The following SLC13A3 variants were observed in gnomAD, a reference collection of about 807,000 sequenced individuals.
SLC13A3 encodes the protein solute carrier family 13 member 3.
A neutral mutation model predicts 59.0 loss-of-function variants in SLC13A3; 40 were observed. The observed-to-expected ratio is 0.68, with a 90% CI of 0.53 to 0.88. The LOEUF (loss-of-function observed/expected upper bound fraction) is 0.88, where lower values mean the gene tolerates loss of function less well. Ranked by LOEUF, SLC13A3 falls within the 40% of genes least tolerant of loss-of-function variation. SLC13A3 has a pLI of 0.00. For synonymous variants in SLC13A3, 317 were observed against 330.3 expected (o/e 0.96, Z 0.44); for missense variants, 699 against 783.2 (o/e 0.89, Z 1.28).
In SLC13A3 at chr20:46,575,605, C is replaced by T; in HGVS notation, c.1300G>A (p.Gly434Arg). 1 of 1,606,578 alleles carries T rather than the reference C, an allele frequency of 6.2e-7. No individual in the cohort carries two copies. The highest frequency in any genetic ancestry group is 1.1e-5 in the South Asian group (1 of 89,064). Residue 434 changes from glycine (G) to arginine (R), a missense_variant, in exon 10 of 13, where the codon GGA becomes AGA. Coordinates refer to ENST00000279027, the MANE Select transcript of SLC13A3 (RefSeq NM_022829.6). Reference sequence around the variant, plus strand: ...CCTTTGGCCATGGCGAAGCCCCCTCCCAGGAGAAGGATGATGTTCCAGGGC... The same window carrying T: ...CCTTTGGCCATGGCGAAGCCCCCTCTCAGGAGAAGGATGATGTTCCAGGGC... ...TVPWNIILLL[G>R]GGFAMAKGCE...
At chr20:46,643,656 T>C (rs192904967) in intron 1 of SLC13A3, among the ~76,000 whole-genome samples, 259 of 152,306 alleles carry the variant, frequency 1.7e-3, no homozygotes, top group Admixed American at 3.3e-3. Context: ...CTAGCTACGA[T>C]CTGAATAGAA....
chr20:46,679,427 A>C (rs1040256307), intron 1 of SLC13A3, among the ~76,000 whole-genome samples: 12 of 152,094 alleles, frequency 7.9e-5, no homozygotes, highest in African/African-American at 2.9e-4. Flanking sequence ...ATCCTGGCTA[A>C]CACGGTGAAA....
intron 1 of SLC13A3, among the ~76,000 whole-genome samples, chr20:46,626,131 CTCTCTCTG>C (rs1400077491): frequency 4.8e-4 from 66 of 137,482 alleles, no homozygotes; most frequent in South Asian, 4.4e-4. Flanking sequence ...CTGTCTCTCT[CTCTCTCTG>C]TCTCTCTGTC....
rs1464715626 is a variant in SLC13A3, at chr20:46,557,954, A to G, written c.*2068T>C. 6.6e-6 allele frequency: 1 copy of G among 152,236 alleles called. No homozygotes were observed. The highest frequency in any genetic ancestry group is 1.5e-5 in the Non-Finnish European group (1 of 68,048). The allele number at this position is 152,236 out of a possible 1,614,324, so 9.4% of individuals were successfully genotyped here. On this transcript the variant is annotated 3_prime_UTR_variant, in exon 13 of 13. Coordinates refer to ENST00000279027, the MANE Select transcript of SLC13A3 (RefSeq NM_022829.6). ...ATTCTGGAGCAGATTCAAGCAGCAAATATTTACTGAACACTTGCTATGTGC... is the reference window on the plus strand; with the variant it reads ...ATTCTGGAGCAGATTCAAGCAGCAAGTATTTACTGAACACTTGCTATGTGC...
At chr20:46,667,944 A>G (rs2063070440) in intron 1 of SLC13A3, among the ~76,000 whole-genome samples, 1 of 152,104 alleles carries the variant, frequency 6.6e-6, no homozygotes. Context: ...TGAAGTTACT[A>G]TTGTAATTGT....
chr20:46,634,680 C>T (rs1312570361), intron 1 of SLC13A3, among the ~76,000 whole-genome samples: 1 of 152,164 alleles, frequency 6.6e-6, no homozygotes, highest in African/African-American at 2.4e-5. Flanking sequence ...CATTCACGAG[C>T]CAGACAGGAG....
intron 1 of SLC13A3, among the ~76,000 whole-genome samples, chr20:46,659,228 G>T (rs1486711531): frequency 6.6e-6 from 1 of 151,914 alleles, no homozygotes; most frequent in Non-Finnish European, 1.5e-5. Context: ...TTTGTTCTTT[G>T]TTCCTCTCTT....
Position 46,572,506 on chromosome 20 carries a change from G to A in SLC13A3, c.1332+3067C>T, listed in dbSNP as rs535301018. Among the ~76,000 whole-genome samples, 11 of 152,214 alleles carry A rather than the reference G, an allele frequency of 7.2e-5. No homozygotes were observed. The South Asian group carries it at 2.3e-3, about 32-fold the overall frequency. On this transcript the variant is annotated intron_variant, in intron 10 of 12. Coordinates refer to ENST00000279027, the MANE Select transcript of SLC13A3 (RefSeq NM_022829.6). ...CTCCCCACACCACTTCTGGAGCTTA[G>A]GGAAACCTCTGGATCAGGGTCATCT... is the stretch of plus-strand genomic sequence containing the variant.
rs1243293576 is a variant in SLC13A3, at chr20:46,610,522, G to A, written c.465C>T (p.Ala155=). 1 of 1,614,124 alleles carries A rather than the reference G, an allele frequency of 6.2e-7. No individual in the cohort carries two copies. Among genetic ancestry groups the A allele is most frequent in the Non-Finnish European group, 8.5e-7 (1 of 1,180,022 alleles). ...CAAAGAGACTTTTCAGGATGGCATTGGCAATGGGAAGCATCATGGCAGTGG... is the reference window on the plus strand; with the variant it reads ...CAAAGAGACTTTTCAGGATGGCATTAGCAATGGGAAGCATCATGGCAGTGG... The part of the protein sequence containing the change: ...TASTAMMLPI[A]NAILKSLFGQ... Residue 155 remains alanine (A), a synonymous_variant, in exon 3 of 13, where the codon GCC becomes GCT. Coordinates refer to ENST00000279027, the MANE Select transcript of SLC13A3 (RefSeq NM_022829.6).
At chr20:46,621,537 T>G (rs2062613906) in intron 1 of SLC13A3, among the ~76,000 whole-genome samples, 1 of 152,200 alleles carries the variant, frequency 6.6e-6, no homozygotes, top group Non-Finnish European at 1.5e-5. Flanking sequence ...ATTTTTGTCT[T>G]TTAATTCCAT....
intron 9 of SLC13A3, among the ~76,000 whole-genome samples, chr20:46,579,605 C>CTGT (rs1206704986): frequency 5.3e-5 from 8 of 152,210 alleles, no homozygotes; most frequent in Non-Finnish European, 1.0e-4. Flanking sequence ...ATGGAGTTCC[C>CTGT]TCCCCACCCA....
intron 8 of SLC13A3, among the ~76,000 whole-genome samples, chr20:46,586,427 A>G (rs847101): frequency 0.17 from 25,327 of 152,022 alleles, 4,536 homozygotes; most frequent in African/African-American, 0.45. Flanking sequence ...GGGGTTCCTC[A>G]TGGTCTATAC....
At chr20:46,617,503 C>T (rs1204384990) in intron 1 of SLC13A3, among the ~76,000 whole-genome samples, 1 of 152,140 alleles carries the variant, frequency 6.6e-6, no homozygotes, top group Non-Finnish European at 1.5e-5. Context: ...AAACCCAAAT[C>T]ACCTTCCCAG....
chr20:46,626,693 G>C (rs1350306623), intron 1 of SLC13A3, among the ~76,000 whole-genome samples: 1 of 152,122 alleles, frequency 6.6e-6, no homozygotes, highest in Non-Finnish European at 1.5e-5. Context: ...CTCATCCCCT[G>C]ACCTTCCCAC....
At chr20:46,611,382 C>A (rs1235112937) in intron 2 of SLC13A3, among the ~76,000 whole-genome samples, 4 of 152,100 alleles carry the variant, frequency 2.6e-5, no homozygotes, top group African/African-American at 7.2e-5. Flanking sequence ...AGGAAGTTTC[C>A]CCCTATCTCC....
Position 46,559,599 on chromosome 20 carries a change from T to C in SLC13A3, c.*423A>G, listed in dbSNP as rs768544714. ...ACATTGCAGCCCAGGAAAGTGATCT[T>C]TAAAGACAAGGTGGTCTCTTCAGTG... On this transcript the variant is annotated 3_prime_UTR_variant, in exon 13 of 13. Coordinates refer to ENST00000279027, the MANE Select transcript of SLC13A3 (RefSeq NM_022829.6). The C allele has an allele frequency of 5.8e-5, 9 of 155,430 alleles. No individual in the cohort carries two copies. The highest frequency in any genetic ancestry group is 8.5e-5 in the Non-Finnish European group (6 of 70,244). The allele number at this position is 155,430 out of a possible 1,614,324, so 9.6% of individuals were successfully genotyped here. A position where few individuals can be genotyped will look rare whatever the true frequency, so the allele number is the denominator to read the frequency against.
chr20:46,646,888 G>A (rs1483872906), intron 1 of SLC13A3, among the ~76,000 whole-genome samples: 3 of 152,134 alleles, frequency 2.0e-5, no homozygotes, highest in African/African-American at 4.8e-5. Context: ...TGTGGAATGC[G>A]AATGCAGTTC....
chr20:46,605,746 T>C (rs6090525), intron 3 of SLC13A3, among the ~76,000 whole-genome samples: 1,803 of 152,246 alleles, frequency 0.012, 39 homozygotes, highest in African/African-American at 0.041. Flanking sequence ...CCTGTCACTT[T>C]AGCAGGTCTG....
At chr20:46,681,851 C>CTTT (rs2063155449) in intron 1 of SLC13A3, 1 of 152,212 alleles carries the variant, frequency 6.6e-6, no homozygotes, top group African/African-American at 2.4e-5. Flanking sequence ...CTCTCTTCCT[C>CTTT]TTATAAAGCC....
Sources: gnomAD v4.1 joint callset for allele counts (sites outside exome capture counted in the v4.1 genomes callset) on GRCh38, gnomAD v4.1.1 for gene constraint, MANE v1.5 for transcripts, NCBI Gene and HGNC (gene_info 2026-07-23, HGNC 2026-07-21) for gene names.